FBXO15: variants seen among roughly 807,000 people sequenced by gnomAD.
The protein encoded by FBXO15 is F-box protein 15.
FBXO15 carries 30 observed loss-of-function variants against 49.5 expected under a neutral mutation model. That is an observed-to-expected ratio of 0.61 (90% CI 0.45 to 0.82). The LOEUF (loss-of-function observed/expected upper bound fraction) is 0.82, where lower values mean the gene tolerates loss of function less well. FBXO15 is among the 40% of genes least tolerant of loss of function. The pLI is 0.00. For synonymous variants in FBXO15, 250 were observed against 232.7 expected, an observed-to-expected ratio of 1.07 and a Z score of -0.68; for missense variants, 591 against 631.5, an observed-to-expected ratio of 0.94 and a Z score of 0.69.
At chr18:74,102,932 T>C (rs1913587722) in intron 8 of FBXO15, among the ~76,000 whole-genome samples, 1 of 151,974 alleles carries the variant, frequency 6.6e-6, no homozygotes, top group African/African-American at 2.4e-5. Flanking sequence ...AATGACACAA[T>C]GGACTTTGGG....
chr18:74,113,253 T>C (rs1033148066), intron 8 of FBXO15, among the ~76,000 whole-genome samples: 5 of 152,300 alleles, frequency 3.3e-5, no homozygotes, highest in Non-Finnish European at 5.9e-5. Context: ...GGAAAAAGTA[T>C]GGAGACAGCA....
At chr18:74,107,302 T>A (rs1218082696) in intron 8 of FBXO15, among the ~76,000 whole-genome samples, 5 of 151,872 alleles carry the variant, frequency 3.3e-5, no homozygotes, top group Non-Finnish European at 5.9e-5. Context: ...TACCGCATGA[T>A]CCCACTTATA....
At chr18:74,136,931 G>A (rs1434014464) in intron 2 of FBXO15, among the ~76,000 whole-genome samples, 1 of 152,196 alleles carries the variant, frequency 6.6e-6, no homozygotes, top group African/African-American at 2.4e-5. Flanking sequence ...GTCTACTTGT[G>A]ATTGTTATGA....
At chr18:74,143,107 G>T (rs17088842) in intron 1 of FBXO15, among the ~76,000 whole-genome samples, 13,353 of 151,914 alleles carry the variant, frequency 0.088, 1,082 homozygotes, top group African/African-American at 0.21. Flanking sequence ...ACCTAGAATC[G>T]GAGTCCACAC....
intron 3 of FBXO15, among the ~76,000 whole-genome samples, chr18:74,132,208 T>G: frequency 6.6e-6 from 1 of 152,266 alleles, no homozygotes. Context: ...AAGCTGAAAC[T>G]GTTTCACCAA....
intron 8 of FBXO15, among the ~76,000 whole-genome samples, chr18:74,115,076 C>T (rs565928588): frequency 5.9e-5 from 9 of 152,228 alleles, no homozygotes; most frequent in South Asian, 2.1e-4. Context: ...CTCCTAACCA[C>T]GCCAAAATAG....
At chr18:74,120,125 T>G (rs968155655) in intron 8 of FBXO15, among the ~76,000 whole-genome samples, 4 of 152,206 alleles carry the variant, frequency 2.6e-5, no homozygotes, top group Non-Finnish European at 5.9e-5. Context: ...CTCAACAATG[T>G]ACACAGTGTG....
chr18:74,092,592 G>A (rs540976250), intron 8 of FBXO15, among the ~76,000 whole-genome samples: 1 of 152,268 alleles, frequency 6.6e-6, no homozygotes, highest in East Asian at 1.9e-4. Context: ...GTATGATTGT[G>A]ACGTAAGGTA....
Position 74,079,631 on chromosome 18 carries a change from T to A in FBXO15, c.1263+2296A>T, listed in dbSNP as rs1912403645. On this transcript the variant is annotated intron_variant, in intron 9 of 9. Coordinates refer to ENST00000419743, the MANE Select transcript of FBXO15 (RefSeq NM_001142958.2). ...TTAAAAAAAGAATAAAAAACTGACCTACTTAGAATGTGATTTTTAAAGAAT... is the reference window on the plus strand; with the variant it reads ...TTAAAAAAAGAATAAAAAACTGACCAACTTAGAATGTGATTTTTAAAGAAT... Among the ~76,000 whole-genome samples, 3 of 152,346 alleles carry A rather than the reference T, an allele frequency of 2.0e-5. No homozygotes were observed. In the South Asian group the frequency reaches 6.2e-4, roughly 32 times the overall value.
At chr18:74,122,456 C>A (rs917304321) in intron 8 of FBXO15, 2 of 152,168 alleles carry the variant, frequency 1.3e-5, no homozygotes, top group Non-Finnish European at 2.9e-5. Flanking sequence ...AAGTTCTTTA[C>A]AAAATCTCAG....
At chr18:74,085,592 C>G (rs1395712032) in intron 8 of FBXO15, among the ~76,000 whole-genome samples, 1 of 151,828 alleles carries the variant, frequency 6.6e-6, no homozygotes, top group East Asian at 1.9e-4. Context: ...GACTCCGTCT[C>G]AAAACAACAA....
chr18:74,140,691 G>C, intron 1 of FBXO15: 1 of 210,554 alleles, frequency 4.7e-6, no homozygotes, highest in Non-Finnish European at 9.5e-6. Flanking sequence ...AACCTTTAGT[G>C]TCCTGGTAAG....
chr18:74,096,140 C>G (rs1913263133), intron 8 of FBXO15, among the ~76,000 whole-genome samples: 1 of 152,100 alleles, frequency 6.6e-6, no homozygotes, highest in Non-Finnish European at 1.5e-5. Flanking sequence ...GAGACCTGTC[C>G]CTACTTTAAG....
At chr18:74,134,085 G>T (rs1431779972) in intron 3 of FBXO15, among the ~76,000 whole-genome samples, 1 of 152,134 alleles carries the variant, frequency 6.6e-6, no homozygotes, top group Non-Finnish European at 1.5e-5. Context: ...TTCATTCATT[G>T]ATATGTGTAT....
chr18:74,105,612 T>TGG (rs1913720575), intron 8 of FBXO15, among the ~76,000 whole-genome samples: 1 of 151,618 alleles, frequency 6.6e-6, no homozygotes, highest in African/African-American at 2.4e-5. Context: ...GCTTATGGTT[T>TGG]TTTTTTTGTA....
chr18:74,130,207 T>TC (rs910880228), intron 4 of FBXO15, among the ~76,000 whole-genome samples: 10 of 152,202 alleles, frequency 6.6e-5, no homozygotes, highest in Non-Finnish European at 1.3e-4. Flanking sequence ...TGTTTCAAGT[T>TC]CCCCCCCACT....
chr18:74,101,546 G>T (rs550291579), intron 8 of FBXO15, among the ~76,000 whole-genome samples: 3 of 151,942 alleles, frequency 2.0e-5, no homozygotes, highest in Non-Finnish European at 2.9e-5. Context: ...TGCCAAAAGC[G>T]ATCTATAAAT....
intron 8 of FBXO15, among the ~76,000 whole-genome samples, chr18:74,086,233 C>G (rs1247097760): frequency 6.6e-6 from 1 of 151,858 alleles, no homozygotes; most frequent in Non-Finnish European, 1.5e-5. Flanking sequence ...ATAAAAAAGA[C>G]AATAACATGA....
chr18:74,124,887 G>A (rs1414351409), intron 6 of FBXO15, among the ~76,000 whole-genome samples: 1 of 152,164 alleles, frequency 6.6e-6, no homozygotes, highest in African/African-American at 2.4e-5. Context: ...GTTAGTTCCA[G>A]GCTGTTTCAA....
Sources: gnomAD v4.1 joint callset for allele counts (sites outside exome capture counted in the v4.1 genomes callset) on GRCh38, gnomAD v4.1.1 for gene constraint, MANE v1.5 for transcripts, NCBI Gene and HGNC (gene_info 2026-07-23, HGNC 2026-07-21) for gene names.